Variants in PCBP3 observed in about 807,000 individuals in gnomAD.
PCBP3 encodes poly(rC) binding protein 3, also known as poly(rC)-binding protein 3.
PCBP3 carries 25 observed loss-of-function variants against 52.7 expected under a neutral mutation model. The ratio of observed to expected loss-of-function variants is 0.47; its 90% CI spans 0.35 to 0.66. The LOEUF (loss-of-function observed/expected upper bound fraction) is 0.66. Among genes scored for constraint, PCBP3 ranks in the 30% least tolerant of loss-of-function variants. PCBP3 has a pLI of 0.01. For synonymous variants in PCBP3, 162 were observed against 183.0 expected (o/e 0.89, Z 0.93); for missense variants, 391 against 490.3 (o/e 0.80, Z 1.91).
At chr21:45,686,436 T>G (rs2082155860) in intron 2 of PCBP3, among the ~76,000 whole-genome samples, 2 of 152,192 alleles carry the variant, frequency 1.3e-5, no homozygotes, top group African/African-American at 4.8e-5. Context: ...ATTATCTGCA[T>G]GAAAGAAGAC....
Position 45,839,484 on chromosome 21 carries a change from G to A in PCBP3, c.-125-10477G>A, listed in dbSNP as rs75897811. Among the ~76,000 whole-genome samples, 727 of 152,246 alleles carry A rather than the reference G, an allele frequency of 4.8e-3. 9 individuals are homozygous for A. Among genetic ancestry groups the A allele is most frequent in the African/African-American group, 0.017 (697 of 41,548 alleles). On this transcript the variant is annotated intron_variant, in intron 4 of 17. Coordinates refer to ENST00000681687, the MANE Select transcript of PCBP3 (RefSeq NM_001384156.1). Reference sequence around the variant, plus strand: ...CATTTTATATTATGTTCTTCAGGATGGGCTCATCAGAAAAATATTTCCTGT... The same window carrying A: ...CATTTTATATTATGTTCTTCAGGATAGGCTCATCAGAAAAATATTTCCTGT...
chr21:45,869,434 C>T (rs1368354523), intron 5 of PCBP3: 1 of 152,488 alleles, frequency 6.6e-6, no homozygotes, highest in Admixed American at 6.5e-5. Context: ...TCTCTTCCTT[C>T]CTTCTCTTCC....
At position 45,724,629 on chromosome 21, in the gene PCBP3, C is replaced by T. The variant is rs768184149; in HGVS notation, c.-199-10763C>T. 3.3e-5 allele frequency among the ~76,000 whole-genome samples: 5 copies of T among 151,988 alleles called. No homozygotes were observed. Among genetic ancestry groups the T allele is most frequent in the Non-Finnish European group, 5.9e-5 (4 of 68,006 alleles). On this transcript the variant is annotated intron_variant, in intron 2 of 17. Coordinates refer to ENST00000681687, the MANE Select transcript of PCBP3 (RefSeq NM_001384156.1). The surrounding 1 kb of genome is among the most constrained non-coding windows in gnomAD (Gnocchi z 5.3). Reference sequence around the variant, plus strand: ...TCACTGTAAGTGTGAGAATGAGAAGCGGTGTGAGACGTGTAGATTTGTGGG... The same window carrying T: ...TCACTGTAAGTGTGAGAATGAGAAGTGGTGTGAGACGTGTAGATTTGTGGG...
In PCBP3 at chr21:45,722,213, G is replaced by A. The variant is rs1766086626; in HGVS notation, c.-199-13179G>A. ...GAATGATCCATGACATGAAAAAAAT[G>A]TACCCAGTATACTGGCACCTAAGTC... On this transcript the variant is annotated intron_variant, in intron 2 of 17. Coordinates refer to ENST00000681687, the MANE Select transcript of PCBP3 (RefSeq NM_001384156.1). 2.0e-5 allele frequency among the ~76,000 whole-genome samples: 3 copies of A among 152,316 alleles called. No homozygotes were observed. The South Asian group carries it at 6.2e-4, about 32-fold the overall frequency.
chr21:45,891,567 G>A (rs989294832), intron 5 of PCBP3, among the ~76,000 whole-genome samples: 5 of 152,140 alleles, frequency 3.3e-5, no homozygotes, highest in Non-Finnish European at 5.9e-5. Context: ...ACCTGTCGGC[G>A]GGCAGTGGCG....
intron 15 of PCBP3, among the ~76,000 whole-genome samples, chr21:45,931,726 G>C (rs890695450): frequency 6.6e-6 from 1 of 152,004 alleles, no homozygotes; most frequent in Non-Finnish European, 1.5e-5. Context: ...CAAACACGTC[G>C]GCCGTGCCGT....
At chr21:45,739,948 G>A (rs961487400) in intron 3 of PCBP3, among the ~76,000 whole-genome samples, 11 of 152,228 alleles carry the variant, frequency 7.2e-5, no homozygotes, top group Non-Finnish European at 1.5e-4. Flanking sequence ...GACTAGTCTC[G>A]TCTAATTTCA....
In PCBP3 at chr21:45,917,426, C is replaced by T; in HGVS notation, c.676-162C>T. ...TGCGGCTCCCCTGGGGCTCCTGGTG[C>T]CCTGGGAGGGTTGGCCCTTTGTCCT... On this transcript the variant is annotated intron_variant, in intron 12 of 17. Transcript: ENST00000681687. The surrounding 1 kb of genome is among the most constrained non-coding windows in gnomAD (Gnocchi z 5.3). 1.9e-6 allele frequency: 1 copy of T among 524,794 alleles called. No homozygotes were observed. The highest frequency in any genetic ancestry group is 3.4e-6 in the Non-Finnish European group (1 of 291,572). The allele number at this position is 524,794 out of a possible 1,614,324, so 32.5% of individuals were successfully genotyped here. A position where few individuals can be genotyped will look rare whatever the true frequency, so the allele number is the denominator to read the frequency against.
intron 2 of PCBP3, among the ~76,000 whole-genome samples, chr21:45,695,297 A>G (rs1191047334): frequency 6.6e-6 from 1 of 152,130 alleles, no homozygotes; most frequent in Non-Finnish European, 1.5e-5. Context: ...TGCTGGAGGG[A>G]CACGGGTAGA....
intron 15 of PCBP3, among the ~76,000 whole-genome samples, chr21:45,932,115 T>C (rs1603545816): frequency 1.3e-5 from 2 of 151,682 alleles, no homozygotes; most frequent in South Asian, 4.2e-4. Context: ...ACATTGGCCA[T>C]GCTGTCCTGA....
intron 5 of PCBP3, among the ~76,000 whole-genome samples, chr21:45,868,629 G>C (rs567914403): frequency 7.9e-5 from 12 of 152,262 alleles, no homozygotes; most frequent in Middle Eastern, 3.4e-3. Context: ...CGGGTCTGGC[G>C]GGCATTTCTG....
chr21:45,759,302 T>C (rs1180690001), intron 4 of PCBP3, among the ~76,000 whole-genome samples: 1 of 152,180 alleles, frequency 6.6e-6, no homozygotes, highest in East Asian at 1.9e-4. Context: ...GAGTTTCTTG[T>C]TGTTGTTGTT....
intron 1 of PCBP3, among the ~76,000 whole-genome samples, chr21:45,652,363 C>G (rs562741741): frequency 4.6e-5 from 7 of 151,822 alleles, no homozygotes; most frequent in African/African-American, 1.7e-4. Context: ...GATAATTCTA[C>G]TACCCACAGA....
At chr21:45,925,969 C>T (rs112894474) in intron 13 of PCBP3, among the ~76,000 whole-genome samples, 5,959 of 152,296 alleles carry the variant, frequency 0.039, 122 homozygotes, top group Non-Finnish European at 0.048. Flanking sequence ...GTACCTCGAA[C>T]GTTACACCTG....
chr21:45,701,100 C>G (rs1444717086), intron 2 of PCBP3, among the ~76,000 whole-genome samples: 5 of 152,218 alleles, frequency 3.3e-5, no homozygotes, highest in African/African-American at 4.8e-5. Flanking sequence ...ATTCTGATAT[C>G]AATTTCTAAA....
At chr21:45,717,628 A>G (rs1461057892) in intron 2 of PCBP3, among the ~76,000 whole-genome samples, 2 of 152,088 alleles carry the variant, frequency 1.3e-5, no homozygotes, top group African/African-American at 4.8e-5. Context: ...AATATGATGT[A>G]TTGCATTGAT....
At chr21:45,925,364 A>T (rs1569503542) in intron 13 of PCBP3, among the ~76,000 whole-genome samples, 1 of 152,248 alleles carries the variant, frequency 6.6e-6, no homozygotes, top group Non-Finnish European at 1.5e-5. Flanking sequence ...GAGGGGAAAA[A>T]TTATTAATCC....
At position 45,837,799 on chromosome 21, in the gene PCBP3, C is replaced by T. The variant is rs533068467; in HGVS notation, c.-125-12162C>T. On this transcript the variant is annotated intron_variant, in intron 4 of 17. Transcript: ENST00000681687. The surrounding 1 kb of genome is among the most constrained non-coding windows in gnomAD (Gnocchi z 4.1). ...GGCCGCTCCTTCACTGGTGCTGAGACTGAGGATTGAGCTTAGGGGGTCAGC... is the reference window on the plus strand; with the variant it reads ...GGCCGCTCCTTCACTGGTGCTGAGATTGAGGATTGAGCTTAGGGGGTCAGC... Among the ~76,000 whole-genome samples the T allele has an allele frequency of 2.5e-4, 38 of 152,346 alleles. No homozygotes were observed. The highest frequency in any genetic ancestry group is 8.2e-4 in the African/African-American group (34 of 41,580).
intron 4 of PCBP3, among the ~76,000 whole-genome samples, chr21:45,773,702 G>C (rs1430350010): frequency 1.3e-5 from 2 of 152,032 alleles, no homozygotes; most frequent in Non-Finnish European, 2.9e-5. Flanking sequence ...TTTTGCTCAG[G>C]ATTGCTTTAG....
Sources: allele counts gnomAD v4.1 joint callset (sites outside exome capture counted in the v4.1 genomes callset), GRCh38; gene constraint gnomAD v4.1.1; non-coding constraint Gnocchi (gnomAD v3.1); transcripts MANE v1.5; gene names NCBI Gene and HGNC (gene_info 2026-07-23, HGNC 2026-07-21).